ZSCAN25: variants seen among roughly 807,000 people sequenced by gnomAD.
The protein encoded by ZSCAN25 is zinc finger and SCAN domain-containing protein 25.
In ZSCAN25, 27 loss-of-function variants were observed where a neutral mutation model predicts 38.7. The ratio of observed to expected loss-of-function variants is 0.70; its 90% CI spans 0.51 to 0.96. ZSCAN25 has a LOEUF of 0.96. ZSCAN25 is among the 40% of genes least tolerant of loss of function. ZSCAN25 has a pLI of 0.00. For synonymous variants in ZSCAN25, 273 were observed against 277.7 expected, an observed-to-expected ratio of 0.98 and a Z score of 0.17; for missense variants, 637 against 705.9, an observed-to-expected ratio of 0.90 and a Z score of 1.11.
the ZSCAN25 span, among the ~76,000 whole-genome samples, chr7:99,700,936 G>A: frequency 6.6e-6 from 1 of 152,196 alleles, no homozygotes; most frequent in African/African-American, 2.4e-5. Context: ...TAGAAGGCAT[G>A]TTCTGCCACT....
the ZSCAN25 span, chr7:99,714,513 A>G: frequency 1.9e-6 from 3 of 1,607,764 alleles, no homozygotes; most frequent in Admixed American, 1.7e-5. Flanking sequence ...CTAAAAAATT[A>G]TGAAAACTAA....
At chr7:99,647,681 G>A in the ZSCAN25 span, 1 of 985,338 alleles carries the variant, frequency 1.0e-6, no homozygotes, top group African/African-American at 1.7e-5. Context: ...CAAACAATGG[G>A]CAAAGTCACA....
chr7:99,720,202 A>G, the ZSCAN25 span: 39 of 1,380,908 alleles, frequency 2.8e-5, no homozygotes, highest in Non-Finnish European at 3.4e-5. Flanking sequence ...TGAAGTGTAC[A>G]TGGAACCTTC....
intron 6 of ZSCAN25, among the ~76,000 whole-genome samples, 164 bp from the exon 7 acceptor site, chr7:99,623,893 G>A (rs1195683999): frequency 6.6e-6 from 1 of 152,194 alleles, no homozygotes; most frequent in Admixed American, 6.5e-5. Context: ...GGCAAGCTGA[G>A]CCCCAGCCAC....
chr7:99,646,038 G>A, the ZSCAN25 span, among the ~76,000 whole-genome samples: 2 of 152,188 alleles, frequency 1.3e-5, no homozygotes, highest in East Asian at 3.9e-4. Context: ...TTTGAAGTCA[G>A]GTAAATGTGT....
intron 4 of ZSCAN25, chr7:99,620,228 G>A (rs1806831845): frequency 3.4e-6 from 2 of 583,370 alleles, no homozygotes; most frequent in Non-Finnish European, 2.9e-6. Context: ...CATGAGGGCA[G>A]AGGCCTGGCC....
the ZSCAN25 span, among the ~76,000 whole-genome samples, chr7:99,711,444 G>A: frequency 6.6e-6 from 1 of 152,094 alleles, no homozygotes; most frequent in African/African-American, 2.4e-5. Context: ...TCAAAGTGTG[G>A]TCCGTGGATC....
rs762495783 is a variant in ZSCAN25, at chr7:99,622,509, G to T, written c.590-40G>T. On this transcript the variant is annotated intron_variant, in intron 5 of 7. Coordinates refer to ENST00000394152, the MANE Select transcript of ZSCAN25 (RefSeq NM_145115.3). Reference sequence around the variant, plus strand: ...AACGAGCTAACAGCATAACATCACTGATCCTTCTGATCTTTCTCATGCTTT... The same window carrying T: ...AACGAGCTAACAGCATAACATCACTTATCCTTCTGATCTTTCTCATGCTTT... The T allele has an allele frequency of 5.0e-6, 8 of 1,586,374 alleles. No homozygotes were observed. The Admixed American group carries it at 1.0e-4, about 20-fold the overall frequency.
chr7:99,680,994 C>G, the ZSCAN25 span, among the ~76,000 whole-genome samples: 1 of 152,152 alleles, frequency 6.6e-6, no homozygotes, highest in Admixed American at 6.5e-5. Context: ...TGACTAAGGC[C>G]CAGACATTAG....
At chr7:99,658,569 C>T in the ZSCAN25 span, among the ~76,000 whole-genome samples, 3 of 152,078 alleles carry the variant, frequency 2.0e-5, no homozygotes, top group African/African-American at 7.2e-5. Context: ...CTTGGAGTTG[C>T]TCTTCTCGAG....
intron 7 of ZSCAN25, among the ~76,000 whole-genome samples, chr7:99,628,397 CT>C (rs1242661533): frequency 6.6e-6 from 1 of 151,994 alleles, no homozygotes; most frequent in African/African-American, 2.4e-5. Context: ...CTTTTCTTTT[CT>C]TTTTTTCTCC....
the ZSCAN25 span, chr7:99,660,642 G>T: frequency 6.2e-7 from 1 of 1,613,878 alleles, no homozygotes; most frequent in African/African-American, 1.3e-5. Context: ...TGGGCTGCGA[G>T]CTCCAGATCA....
At chr7:99,673,964 C>G in the ZSCAN25 span, among the ~76,000 whole-genome samples, 2 of 152,090 alleles carry the variant, frequency 1.3e-5, no homozygotes, top group Non-Finnish European at 1.5e-5. Flanking sequence ...GGACAAGCCT[C>G]GAAAAGTTTT....
rs778133387 is a variant in ZSCAN25, at chr7:99,619,601, C to T, written c.-6C>T. On this transcript the variant is annotated 5_prime_UTR_variant, in exon 4 of 8. Coordinates refer to ENST00000394152, the MANE Select transcript of ZSCAN25 (RefSeq NM_145115.3). ...CATTCTCAGTCTCCTCGGAGGGAGT[C>T]TGAAGATGCTTAAAGAGCATCCAGA... The T allele has an allele frequency of 1.8e-5, 29 of 1,608,536 alleles. No homozygotes were observed. In the East Asian group the frequency reaches 4.0e-4, roughly 22 times the overall value.
intron 4 of ZSCAN25, 58 bp downstream of exon 4, chr7:99,620,051 A>G (rs547621611): frequency 6.6e-7 from 1 of 1,513,630 alleles, no homozygotes; most frequent in African/African-American, 1.4e-5. Flanking sequence ...AATGTTAAAG[A>G]ATCCAAAGAT....
rs144378459 is a variant in ZSCAN25 at position 99,632,329 on chromosome 7, AATAG to A, written c.*2313_*2316del. 7.3e-3 allele frequency: 5,941 copies of A among 817,900 alleles called. 276 individuals carry two copies. In the African/African-American group the frequency reaches 0.1, roughly 14 times the overall value. The allele number at this position is 817,900 out of a possible 1,614,324, so 50.7% of individuals were successfully genotyped here. A position where few individuals can be genotyped will look rare whatever the true frequency, so the allele number is the denominator to read the frequency against. ...TTCTATTCTTTAGAAATTTTTTTATAATAGATAATTTCAAACCTATATAAATAAA... is the reference window on the plus strand; with the variant it reads ...TTCTATTCTTTAGAAATTTTTTTATAATAATTTCAAACCTATATAAATAAA... On this transcript the variant is annotated 3_prime_UTR_variant, in exon 8 of 8. Transcript: ENST00000394152.
chr7:99,695,879 C>G, the ZSCAN25 span: 1 of 1,578,050 alleles, frequency 6.3e-7, no homozygotes, highest in Middle Eastern at 1.7e-4. Flanking sequence ...GGGATTGTGA[C>G]TTTATAGATA....
At chr7:99,691,831 G>T in the ZSCAN25 span, among the ~76,000 whole-genome samples, 1 of 152,062 alleles carries the variant, frequency 6.6e-6, no homozygotes, top group Non-Finnish European at 1.5e-5. Context: ...ACACCAATGG[G>T]TCTTCACTCT....
the ZSCAN25 span, among the ~76,000 whole-genome samples, chr7:99,710,294 T>C: frequency 6.6e-6 from 1 of 152,192 alleles, no homozygotes; most frequent in African/African-American, 2.4e-5. Flanking sequence ...TCACCAGTGG[T>C]TACCTGACTG....
Sources: gnomAD v4.1 joint callset for allele counts (sites outside exome capture counted in the v4.1 genomes callset) on GRCh38, gnomAD v4.1.1 for gene constraint, MANE v1.5 for transcripts, NCBI Gene and HGNC (gene_info 2026-07-23, HGNC 2026-07-21) for gene names.